The following CACNA1E variants were observed in gnomAD, a reference collection of about 807,000 sequenced individuals.
The protein encoded by CACNA1E is voltage-dependent R-type calcium channel subunit alpha-1E.
A neutral mutation model predicts 259.2 loss-of-function variants in CACNA1E; 40 were observed. That is an observed-to-expected ratio of 0.15 (90% CI 0.12 to 0.20). The LOEUF (loss-of-function observed/expected upper bound fraction) is 0.20. CACNA1E is among the 10% of genes least tolerant of loss of function. The probability of loss-of-function intolerance (pLI) is 1.00; values close to 1 mark genes in which losing one functional copy is unlikely to be tolerated. For synonymous variants in CACNA1E, 1,104 were observed against 1,138.5 expected (o/e 0.97, Z 0.61); for missense variants, 1,874 against 3,040.1 (o/e 0.62, Z 9.02).
intron 39 of CACNA1E, among the ~76,000 whole-genome samples, chr1:181,782,821 G>A (rs1660538477): frequency 6.6e-6 from 1 of 152,204 alleles, no homozygotes; most frequent in Admixed American, 6.5e-5. Flanking sequence ...GTACCAGGTG[G>A]TAGAATGTGG....
At chr1:181,346,374 G>A (rs1364158185) in intron 1 of CACNA1E, among the ~76,000 whole-genome samples, 1 of 152,196 alleles carries the variant, frequency 6.6e-6, no homozygotes, top group East Asian at 1.9e-4. Context: ...CATATTGTCT[G>A]TATCTCCATG....
At chr1:181,711,109 C>T in intron 8 of CACNA1E, 40 bp downstream of exon 8, 1 of 1,351,050 alleles carries the variant, frequency 7.4e-7, no homozygotes, top group Non-Finnish European at 1.1e-6. Flanking sequence ...GAGTGGGCTG[C>T]AGAGACATCA....
At chr1:181,370,020 T>C (rs1654565388) in intron 1 of CACNA1E, among the ~76,000 whole-genome samples, 1 of 151,800 alleles carries the variant, frequency 6.6e-6, no homozygotes. Context: ...TGTACTCAAC[T>C]TTGTTTATTT....
chr1:181,583,952 C>G (rs1306500079), intron 6 of CACNA1E, among the ~76,000 whole-genome samples: 1 of 152,184 alleles, frequency 6.6e-6, no homozygotes, highest in Non-Finnish European at 1.5e-5. Flanking sequence ...ATAAGTATGT[C>G]TTCCACAGTA....
chr1:181,636,134 A>G (rs993715375), intron 6 of CACNA1E, among the ~76,000 whole-genome samples: 4 of 152,174 alleles, frequency 2.6e-5, no homozygotes, highest in Admixed American at 6.5e-5. Flanking sequence ...AGCTTAACCT[A>G]TTTAAATAAT....
At chr1:181,401,925 C>G (rs989099611) in intron 1 of CACNA1E, among the ~76,000 whole-genome samples, 1 of 152,090 alleles carries the variant, frequency 6.6e-6, no homozygotes, top group Non-Finnish European at 1.5e-5. Context: ...CTATTTATGT[C>G]AGCGATTTTC....
At chr1:181,767,511 T>C (rs148094) in intron 35 of CACNA1E, among the ~76,000 whole-genome samples, 41,277 of 152,210 alleles carry the variant, frequency 0.27, 5,687 homozygotes, top group South Asian at 0.35. Context: ...TTGGGCCTGC[T>C]GGCTGCCTTC....
At chr1:181,326,898 T>C (rs1218947424) in intron 1 of CACNA1E, among the ~76,000 whole-genome samples, 1 of 152,180 alleles carries the variant, frequency 6.6e-6, no homozygotes, top group African/African-American at 2.4e-5. Context: ...TCCTCCCTTT[T>C]GCCCTGACGT....
chr1:181,646,702 T>C (rs528072272), intron 6 of CACNA1E, among the ~76,000 whole-genome samples: 3 of 152,256 alleles, frequency 2.0e-5, no homozygotes, highest in Admixed American at 2.0e-4. Context: ...AGGGGACCCA[T>C]GGGGCCCCTT....
chr1:181,503,248 A>C lies in CACNA1E; in HGVS notation c.267-7229A>C, dbSNP rs568129578. 2.6e-4 allele frequency among the ~76,000 whole-genome samples: 40 copies of C among 152,362 alleles called. No homozygotes were observed. In the Middle Eastern group the frequency reaches 0.014, roughly 52 times the overall value. The stretch of plus-strand genomic sequence containing the variant: ...TTCTCAGTCGGCTCAGACGAGGGTC[A>C]TATGATCTCACCAGCATGATCTCAC... On this transcript the variant is annotated intron_variant, in intron 1 of 47. Transcript: ENST00000367573.
At chr1:181,767,842 G>A (rs1216268829) in intron 35 of CACNA1E, among the ~76,000 whole-genome samples, 2 of 152,200 alleles carry the variant, frequency 1.3e-5, no homozygotes, top group Admixed American at 6.5e-5. Flanking sequence ...GCTTTGTAAC[G>A]TTCATGAAGT....
chr1:181,690,585 A>G (rs756678122), intron 7 of CACNA1E, among the ~76,000 whole-genome samples: 2 of 152,160 alleles, frequency 1.3e-5, no homozygotes, highest in Non-Finnish European at 2.9e-5. Flanking sequence ...CATTTTCATG[A>G]TACTGATTCT....
chr1:181,654,398 G>A (rs951164609), intron 7 of CACNA1E, among the ~76,000 whole-genome samples: 1 of 151,992 alleles, frequency 6.6e-6, no homozygotes, highest in Non-Finnish European at 1.5e-5. Flanking sequence ...TATAATAGGA[G>A]TTCTATAAAA....
At position 181,489,300 on chromosome 1, in the gene CACNA1E, TCTCC is replaced by T. The variant is rs1664116111; in HGVS notation, c.266+5294_266+5297del. On this transcript the variant is annotated intron_variant, in intron 1 of 47. Coordinates refer to ENST00000367573, the MANE Select transcript of CACNA1E (RefSeq NM_001205293.3). The stretch of plus-strand genomic sequence containing the variant: ...GCCCGTCTTTTCATCTTTCTATATT[TCTCC>T]CTCTCTCATTTTTAGGTTCAGCCTT... Among the ~76,000 whole-genome samples, 2 of 152,194 alleles carry T rather than the reference TCTCC, an allele frequency of 1.3e-5. 1 individual carries two copies. The highest frequency in any genetic ancestry group is 4.1e-4 in the South Asian group (2 of 4,822).
chr1:181,360,599 G>A (rs769161433), intron 1 of CACNA1E, among the ~76,000 whole-genome samples: 3 of 152,160 alleles, frequency 2.0e-5, no homozygotes, highest in Non-Finnish European at 4.4e-5. Context: ...CTACTCACGG[G>A]TACAACAGGT....
intron 1 of CACNA1E, 93 bp from the exon 2 acceptor site, chr1:181,510,384 T>C: frequency 1.3e-6 from 1 of 796,392 alleles, no homozygotes; most frequent in Non-Finnish European, 2.2e-6. Flanking sequence ...ACAGACACAA[T>C]GCGGGTTGAT....
At chr1:181,461,903 C>A (rs963565431) in intron 2 of CACNA1E, among the ~76,000 whole-genome samples, 1 of 151,834 alleles carries the variant, frequency 6.6e-6, no homozygotes, top group African/African-American at 2.4e-5. Flanking sequence ...GATAAATATC[C>A]TTCTAGGCTT....
intron 6 of CACNA1E, among the ~76,000 whole-genome samples, chr1:181,588,283 CTT>C (rs1052479458): frequency 3.3e-5 from 5 of 152,182 alleles, no homozygotes; most frequent in Admixed American, 3.3e-4. Flanking sequence ...GTGTCTGTCT[CTT>C]TTTTTAAACA....
chr1:181,338,141 G>A (rs1208725476), intron 1 of CACNA1E, among the ~76,000 whole-genome samples: 2 of 152,030 alleles, frequency 1.3e-5, no homozygotes, highest in Non-Finnish European at 2.9e-5. Flanking sequence ...GCTGGAGTGC[G>A]GTGGCGTGAT....
Sources: allele counts gnomAD v4.1 joint callset (sites outside exome capture counted in the v4.1 genomes callset), GRCh38; gene constraint gnomAD v4.1.1; transcripts MANE v1.5; gene names NCBI Gene and HGNC (gene_info 2026-07-23, HGNC 2026-07-21).